The following C12orf42 variants were observed in gnomAD, a reference collection of about 807,000 sequenced individuals.
C12orf42 encodes uncharacterized protein C12orf42.
In C12orf42, 25 loss-of-function variants were observed where a neutral mutation model predicts 21.6. The observed-to-expected ratio is 1.16, with a 90% CI of 0.84 to 1.62. The LOEUF (loss-of-function observed/expected upper bound fraction) is 1.62. Among genes scored for constraint, C12orf42 ranks in the 40% most tolerant of loss-of-function variants. The pLI, the probability that C12orf42 is intolerant of heterozygous loss-of-function variation, is 0.00. For missense variants in C12orf42, 483 were observed against 459.3 expected (o/e 1.05, Z -0.47); for synonymous variants, 174 against 175.0 (o/e 0.99, Z 0.05).
intron 2 of C12orf42, among the ~76,000 whole-genome samples, chr12:103,452,589 C>T (rs1038976370): frequency 9.9e-5 from 15 of 152,164 alleles, no homozygotes; most frequent in African/African-American, 3.4e-4. Context: ...ATGTTTATTG[C>T]AGCACTATTC....
At chr12:103,233,399 T>C (rs777799725), downstream of C12orf42, among the ~76,000 whole-genome samples, 2 of 152,216 alleles carry the variant, frequency 1.3e-5, no homozygotes, top group African/African-American at 2.4e-5. Flanking sequence ...ACTGAATCTA[T>C]AGATCAAGTT....
At chr12:103,102,231 C>T in the C12orf42 span, among the ~76,000 whole-genome samples, 1 of 152,178 alleles carries the variant, frequency 6.6e-6, no homozygotes, top group Non-Finnish European at 1.5e-5. Context: ...CCTAGTAAAA[C>T]TTTTCCTCAC....
the C12orf42 span, among the ~76,000 whole-genome samples, chr12:103,148,919 G>C: frequency 6.6e-6 from 1 of 152,116 alleles, no homozygotes; most frequent in Non-Finnish European, 1.5e-5. Context: ...AACTCATGAA[G>C]GAATTTGTAT....
chr12:103,488,434 G>A (rs1450086414), intron 1 of C12orf42, among the ~76,000 whole-genome samples: 1 of 152,114 alleles, frequency 6.6e-6, no homozygotes, highest in African/African-American at 2.4e-5. Flanking sequence ...GTGTCTTGGG[G>A]TTGCTCTTCT....
At chr12:103,108,273 A>G in the C12orf42 span, among the ~76,000 whole-genome samples, 1 of 151,882 alleles carries the variant, frequency 6.6e-6, no homozygotes, top group South Asian at 2.1e-4. Flanking sequence ...AAGATGTTTT[A>G]GAAAAGAGCA....
chr12:103,376,370 C>T lies in C12orf42; in HGVS notation c.148-7372G>A, dbSNP rs757259564. On this transcript the variant is annotated intron_variant, in intron 3 of 5. Coordinates refer to ENST00000548883, the MANE Select transcript of C12orf42 (RefSeq NM_198521.5). ...GAGTTGAACAATGAAAACACACGGA[C>T]GCAGGGAGGGGAACATCACACACCA... is the stretch of plus-strand genomic sequence containing the variant. 5.9e-5 allele frequency among the ~76,000 whole-genome samples: 9 copies of T among 151,730 alleles called. No homozygotes were observed. In the South Asian group the frequency reaches 1.2e-3, roughly 21 times the overall value.
At chr12:103,365,499 C>T (rs1435780410) in intron 4 of C12orf42, among the ~76,000 whole-genome samples, 3 of 151,838 alleles carry the variant, frequency 2.0e-5, no homozygotes, top group Non-Finnish European at 4.4e-5. Context: ...AGAAATAAAT[C>T]AAGGGCATCC....
upstream of C12orf42, among the ~76,000 whole-genome samples, chr12:103,496,271 C>T (rs1298683275): frequency 6.6e-6 from 1 of 152,080 alleles, no homozygotes; most frequent in Non-Finnish European, 1.5e-5. Context: ...CCCCAGAAAT[C>T]CTGAAATTCC....
At chr12:103,183,053 G>T in the C12orf42 span, among the ~76,000 whole-genome samples, 1 of 152,182 alleles carries the variant, frequency 6.6e-6, no homozygotes, top group African/African-American at 2.4e-5. Context: ...TTTGTATAAA[G>T]TTGGTTTAAT....
chr12:103,372,768 C>A (rs2045370202), intron 3 of C12orf42, among the ~76,000 whole-genome samples: 1 of 152,142 alleles, frequency 6.6e-6, no homozygotes. Context: ...AAAGCTAAGG[C>A]AGTGAGTCTC....
chr12:103,441,183 C>T (rs1290207117), intron 2 of C12orf42, among the ~76,000 whole-genome samples: 1 of 152,088 alleles, frequency 6.6e-6, no homozygotes, highest in Admixed American at 6.6e-5. Context: ...TTGAGGCACC[C>T]TTCCCCAACC....
intron 1 of C12orf42, among the ~76,000 whole-genome samples, chr12:103,493,177 A>G (rs1346952916): frequency 2.0e-5 from 3 of 152,228 alleles, no homozygotes; most frequent in Non-Finnish European, 2.9e-5. Flanking sequence ...AGATCCCTCA[A>G]AATCCTTCAG....
chr12:103,385,212 C>T (rs1433411247), intron 3 of C12orf42, among the ~76,000 whole-genome samples: 1 of 152,060 alleles, frequency 6.6e-6, no homozygotes, highest in Non-Finnish European at 1.5e-5. Flanking sequence ...AACACTATTG[C>T]TGAAAAAAGA....
the C12orf42 span, among the ~76,000 whole-genome samples, chr12:103,138,328 C>A: frequency 6.6e-6 from 1 of 152,128 alleles, no homozygotes; most frequent in Non-Finnish European, 1.5e-5. Flanking sequence ...GGCGGATTTC[C>A]TCCTTGCTGT....
the C12orf42 span, among the ~76,000 whole-genome samples, chr12:103,520,881 C>G: frequency 2.0e-5 from 3 of 152,144 alleles, no homozygotes; most frequent in Non-Finnish European, 4.4e-5. Flanking sequence ...ACTTCAAGAC[C>G]CAAATTAATT....
At chr12:103,556,269 G>C in the C12orf42 span, among the ~76,000 whole-genome samples, 2 of 152,048 alleles carry the variant, frequency 1.3e-5, no homozygotes, top group Non-Finnish European at 2.9e-5. Context: ...ATTTCTTATT[G>C]TCTGGACCAG....
the C12orf42 span, among the ~76,000 whole-genome samples, chr12:103,068,753 A>G: frequency 6.6e-6 from 1 of 150,844 alleles, no homozygotes; most frequent in Non-Finnish European, 1.5e-5. Flanking sequence ...GCCCTCGAAT[A>G]TCAGACTCCA....
At chr12:103,223,639 G>A in the C12orf42 span, among the ~76,000 whole-genome samples, 2 of 152,340 alleles carry the variant, frequency 1.3e-5, no homozygotes, top group Admixed American at 6.5e-5. Flanking sequence ...GCATTTATGA[G>A]TAGTTGAGAA....
chr12:103,272,588 C>T (rs2035538447), intron 5 of C12orf42, among the ~76,000 whole-genome samples: 1 of 152,186 alleles, frequency 6.6e-6, no homozygotes, highest in African/African-American at 2.4e-5. Context: ...TTTTCTAATG[C>T]ACTCCCTCTG....
Sources: allele counts gnomAD v4.1 joint callset (sites outside exome capture counted in the v4.1 genomes callset), GRCh38; gene constraint gnomAD v4.1.1; transcripts MANE v1.5; gene names NCBI Gene and HGNC (gene_info 2026-07-23, HGNC 2026-07-21).